EPB41: variants seen among roughly 807,000 people sequenced by gnomAD.
EPB41 encodes the protein erythrocyte membrane protein band 4.1.
A neutral mutation model predicts 108.0 loss-of-function variants in EPB41; 65 were observed. The ratio of observed to expected loss-of-function variants is 0.60; its 90% confidence interval spans 0.49 to 0.74. EPB41 has a LOEUF of 0.74. EPB41 is among the 30% of genes least tolerant of loss of function. EPB41 has a pLI of 0.00. For missense variants in EPB41, 875 were observed against 1,037.0 expected (o/e 0.84, Z 2.15); for synonymous variants, 336 against 358.9 (o/e 0.94, Z 0.72).
At position 29,053,369 on chromosome 1, in the gene EPB41, T is replaced by G. The variant is rs762850270; in HGVS notation, c.1845+57T>G. On this transcript the variant is annotated intron_variant, in intron 12 of 20. Transcript: ENST00000343067. ...CACTTTCTGATTTAGAGGCCTTAAC[T>G]TTTTGACCAGGAACGTTTTCAAAGC... The G allele has an allele frequency of 1.6e-5, 25 of 1,592,930 alleles. No homozygotes were observed. In the East Asian group the frequency reaches 2.5e-4, roughly 16 times the overall value.
intron 2 of EPB41, among the ~76,000 whole-genome samples, chr1:28,990,359 T>TCCTC (rs1246587895): frequency 3.3e-5 from 1 of 30,682 alleles, no homozygotes; most frequent in Non-Finnish European, 5.6e-5. Flanking sequence ...CTCCCTCCCT[T>TCCTC]CCTCTCTTCC....
At chr1:29,108,028 C>CAAAA (rs1174568864) in intron 17 of EPB41, among the ~76,000 whole-genome samples, 1 of 44,328 alleles carries the variant, frequency 2.3e-5, no homozygotes, top group Non-Finnish European at 4.8e-5. Flanking sequence ...GACTCCATCT[C>CAAAA]AAAAAAAAAA....
At chr1:28,985,109 G>T (rs140022676) in intron 1 of EPB41, among the ~76,000 whole-genome samples, 5 of 151,924 alleles carry the variant, frequency 3.3e-5, no homozygotes, top group African/African-American at 1.2e-4. Context: ...GATTACAAGC[G>T]CCTGCCACCA....
chr1:28,984,540 G>T (rs573695692), intron 1 of EPB41, among the ~76,000 whole-genome samples: 2 of 152,192 alleles, frequency 1.3e-5, no homozygotes, highest in South Asian at 4.1e-4. Flanking sequence ...TTTGTTGAAT[G>T]AATCAATTAG....
chr1:28,888,913 C>T (rs1415707714), intron 1 of EPB41, among the ~76,000 whole-genome samples: 6 of 152,238 alleles, frequency 3.9e-5, no homozygotes, highest in Non-Finnish European at 5.9e-5. Context: ...AGGCGTGAGC[C>T]ACCGCGCCAG....
chr1:29,081,945 G>A (rs960926917), intron 16 of EPB41, among the ~76,000 whole-genome samples: 1 of 151,718 alleles, frequency 6.6e-6, no homozygotes, highest in Non-Finnish European at 1.5e-5. Context: ...TTTCTCCAAA[G>A]CCATGTTTCT....
At chr1:29,013,976 A>G (rs1199998024) in intron 5 of EPB41, among the ~76,000 whole-genome samples, 1 of 151,870 alleles carries the variant, frequency 6.6e-6, no homozygotes, top group Non-Finnish European at 1.5e-5. Flanking sequence ...AACTGATATA[A>G]TCTGCAATAT....
At chr1:29,000,945 G>A (rs1288013746) in intron 4 of EPB41, among the ~76,000 whole-genome samples, 1 of 151,998 alleles carries the variant, frequency 6.6e-6, no homozygotes, top group Non-Finnish European at 1.5e-5. Context: ...GGTAAATCTT[G>A]TACAAAAATG....
intron 4 of EPB41, among the ~76,000 whole-genome samples, chr1:29,006,024 A>G (rs2096393436): frequency 6.6e-6 from 1 of 152,154 alleles, no homozygotes; most frequent in Non-Finnish European, 1.5e-5. Context: ...TACCACTGAA[A>G]ATATTCAAAT....
At chr1:28,936,980 A>G (rs1261725574) in intron 1 of EPB41, among the ~76,000 whole-genome samples, 1 of 152,156 alleles carries the variant, frequency 6.6e-6, no homozygotes, top group African/African-American at 2.4e-5. Context: ...CTTTTTGAGA[A>G]CTGCCACATG....
At chr1:28,890,360 G>A (rs528755500) in intron 1 of EPB41, among the ~76,000 whole-genome samples, 105 of 152,214 alleles carry the variant, frequency 6.9e-4, no homozygotes, top group Middle Eastern at 3.4e-3. Context: ...TATTAAAGGG[G>A]GTGGGATTCC....
chr1:29,090,815 A>G (rs116000119), intron 16 of EPB41, among the ~76,000 whole-genome samples: 1,997 of 152,292 alleles, frequency 0.013, 45 homozygotes, highest in African/African-American at 0.044. Context: ...AGATGAGTTT[A>G]GTTTGCAACA....
At chr1:29,052,590 G>A (rs1644711949) in intron 11 of EPB41, among the ~76,000 whole-genome samples, 2 of 152,182 alleles carry the variant, frequency 1.3e-5, no homozygotes, top group Non-Finnish European at 1.5e-5. Flanking sequence ...CTTACCAGAA[G>A]AGCCATTTAT....
intron 1 of EPB41, among the ~76,000 whole-genome samples, chr1:28,935,194 G>A (rs1175917078): frequency 6.6e-6 from 1 of 151,974 alleles, no homozygotes; most frequent in Non-Finnish European, 1.5e-5. Flanking sequence ...ACTTTGGGAG[G>A]ATGAGGCAGG....
chr1:28,928,486 T>G (rs1198632619), intron 1 of EPB41, among the ~76,000 whole-genome samples: 1 of 152,164 alleles, frequency 6.6e-6, no homozygotes, highest in Non-Finnish European at 1.5e-5. Context: ...ACAGGGGTGT[T>G]GGGTTAGAGG....
intron 1 of EPB41, chr1:28,889,732 G>A: frequency 4.9e-6 from 4 of 822,304 alleles, no homozygotes; most frequent in Non-Finnish European, 5.9e-6. Context: ...GAGGAGGGGA[G>A]GTGCAAGGAG....
intron 11 of EPB41, among the ~76,000 whole-genome samples, chr1:29,042,224 C>G (rs540679566): frequency 6.6e-6 from 1 of 152,284 alleles, no homozygotes; most frequent in South Asian, 2.1e-4. Context: ...ATAGTTTAGT[C>G]ATCTCTTGTG....
chr1:28,946,395 C>T (rs981861126), intron 1 of EPB41, among the ~76,000 whole-genome samples: 20 of 152,198 alleles, frequency 1.3e-4, no homozygotes, highest in African/African-American at 4.8e-4. Flanking sequence ...GCGTGAGCCA[C>T]TGCACCTGGC....
At chr1:28,892,582 G>A (rs1176902092) in intron 1 of EPB41, among the ~76,000 whole-genome samples, 1 of 151,922 alleles carries the variant, frequency 6.6e-6, no homozygotes, top group Non-Finnish European at 1.5e-5. Context: ...ATACACGGTG[G>A]CATGCGCCTA....
Sources: allele counts gnomAD v4.1 joint callset (sites outside exome capture counted in the v4.1 genomes callset), GRCh38; gene constraint gnomAD v4.1.1; transcripts MANE v1.5; gene names NCBI Gene and HGNC (gene_info 2026-07-23, HGNC 2026-07-21).